The following GALNT18 variants were observed in gnomAD, a reference collection of about 807,000 sequenced individuals.
The protein encoded by GALNT18 is GalNAc-transferase 18.
GALNT18 carries 44 observed loss-of-function variants against 69.5 expected under a neutral mutation model. The ratio of observed to expected loss-of-function variants is 0.63; its 90% CI spans 0.50 to 0.81. The LOEUF is 0.81. Ranked by LOEUF, GALNT18 falls within the 40% of genes least tolerant of loss-of-function variation. The probability of loss-of-function intolerance (pLI) is 0.00; values close to 1 mark genes in which losing one functional copy is unlikely to be tolerated. For synonymous variants in GALNT18, 364 were observed against 318.2 expected, an observed-to-expected ratio of 1.14 and a Z score of -1.53; for missense variants, 715 against 810.0, an observed-to-expected ratio of 0.88 and a Z score of 1.42.
Position 11,573,191 on chromosome 11 carries a change from C to G in GALNT18, c.235+48168G>C, listed in dbSNP as rs1055927016. On this transcript the variant is annotated intron_variant, in intron 1 of 10. Transcript: ENST00000227756. This position sits in a 1 kb window ranked among gnomAD's most constrained non-coding sequence, Gnocchi z 4.6. ...CCCCTCCAGAGAGCATGTTCATGTT[C>G]ATTATGGTGGGCGGCCTTGACTCAT... is the stretch of plus-strand genomic sequence containing the variant. Among the ~76,000 whole-genome samples the G allele has an allele frequency of 6.6e-6, 1 of 152,136 alleles. No individual in the cohort carries two copies. The highest frequency in any genetic ancestry group is 2.4e-5 in the African/African-American group (1 of 41,422).
At chr11:11,378,910 C>T (rs993918229) in intron 4 of GALNT18, among the ~76,000 whole-genome samples, 171 bp downstream of exon 4, 1 of 152,218 alleles carries the variant, frequency 6.6e-6, no homozygotes, top group Non-Finnish European at 1.5e-5. Flanking sequence ...ACCTCGAACC[C>T]TAAAGGTCCA....
rs1856060463 is a variant in GALNT18, at chr11:11,462,278, T to TC, written c.236-13343_236-13342insG. Reference sequence around the variant, plus strand: ...GTGGCTGTGGCAAAGTCTTTTCTTTTTTTTTTTTTTTCCTTTGCGATGGAG... The same window carrying TC: ...GTGGCTGTGGCAAAGTCTTTTCTTTTCTTTTTTTTTTTCCTTTGCGATGGAG... On this transcript the variant is annotated intron_variant, in intron 1 of 10. Coordinates refer to ENST00000227756, the MANE Select transcript of GALNT18 (RefSeq NM_198516.3). Among the ~76,000 whole-genome samples the TC allele has an allele frequency of 3.0e-5, 4 of 133,858 alleles. No individual in the cohort carries two copies. The South Asian group carries it at 9.3e-4, about 31-fold the overall frequency. The allele number at this position is 133,858 out of a possible 152,430, so 87.8% of individuals were successfully genotyped here.
At chr11:11,284,918 T>G (rs1023408767) in intron 10 of GALNT18, among the ~76,000 whole-genome samples, 64 of 147,140 alleles carry the variant, frequency 4.3e-4, no homozygotes, top group African/African-American at 1.6e-3. Context: ...GTTTTTTTTT[T>G]TTTTTTTTTT....
chr11:11,490,235 A>ACTCT (rs1856738793), intron 1 of GALNT18, among the ~76,000 whole-genome samples: 2 of 5,206 alleles, frequency 3.8e-4, no homozygotes, highest in African/African-American at 5.8e-4. Context: ...TCTCTCTCTA[A>ACTCT]CACACACACA....
intron 1 of GALNT18, among the ~76,000 whole-genome samples, chr11:11,450,767 C>G (rs1264778439): frequency 2.0e-5 from 3 of 152,186 alleles, no homozygotes; most frequent in Non-Finnish European, 4.4e-5. Flanking sequence ...CTCTTATCAA[C>G]TCATCTCACC....
intron 1 of GALNT18, among the ~76,000 whole-genome samples, chr11:11,615,787 C>T (rs2133971177): frequency 6.6e-6 from 1 of 152,220 alleles, no homozygotes; most frequent in South Asian, 2.1e-4. Context: ...GTCTGGGAGA[C>T]CCCACTTAAC....
At chr11:11,462,568 C>G (rs1590024602) in intron 1 of GALNT18, among the ~76,000 whole-genome samples, 1 of 152,182 alleles carries the variant, frequency 6.6e-6, no homozygotes, top group Non-Finnish European at 1.5e-5. Flanking sequence ...GCTGGGATTT[C>G]AGGCATAAGC....
intron 3 of GALNT18, among the ~76,000 whole-genome samples, chr11:11,412,866 C>A (rs943952777): frequency 4.1e-4 from 62 of 152,252 alleles, no homozygotes; most frequent in African/African-American, 1.4e-3. Context: ...CTGCTCTGCC[C>A]CAGCATGTGG....
chr11:11,502,688 C>T (rs1437107135), intron 1 of GALNT18, among the ~76,000 whole-genome samples: 1 of 152,206 alleles, frequency 6.6e-6, no homozygotes, highest in Non-Finnish European at 1.5e-5. Context: ...GAACAGCATG[C>T]CTGTATGAAA....
chr11:11,549,231 A>T (rs1858134071), intron 1 of GALNT18, among the ~76,000 whole-genome samples: 2 of 152,234 alleles, frequency 1.3e-5, no homozygotes, highest in Admixed American at 1.3e-4. Flanking sequence ...AACAAGCTAA[A>T]AAGGGCCCAG....
At chr11:11,561,122 A>C (rs1858494259) in intron 1 of GALNT18, among the ~76,000 whole-genome samples, 4 of 152,244 alleles carry the variant, frequency 2.6e-5, no homozygotes, top group Non-Finnish European at 5.9e-5. Context: ...TTCTTGGTTC[A>C]TTAATCATCT....
chr11:11,289,717 A>T (rs1849263825), intron 10 of GALNT18, among the ~76,000 whole-genome samples: 1 of 152,164 alleles, frequency 6.6e-6, no homozygotes, highest in African/African-American at 2.4e-5. Context: ...GTGGGTGGGA[A>T]GGATTCTGTG....
In GALNT18 at chr11:11,543,838, C is replaced by T. The variant is rs2133959541; in HGVS notation, c.235+77521G>A. Among the ~76,000 whole-genome samples, 1 of 152,312 alleles carries T rather than the reference C, an allele frequency of 6.6e-6. No homozygotes were observed. Among genetic ancestry groups the T allele is most frequent in the East Asian group, 1.9e-4 (1 of 5,172 alleles). ...ATTGCTCCCATTTCTTCTTCTGGCG[C>T]TCTGGGCTCCAATGGCTTCTGGTAA... is the stretch of plus-strand genomic sequence containing the variant. On this transcript the variant is annotated intron_variant, in intron 1 of 10. Coordinates refer to ENST00000227756, the MANE Select transcript of GALNT18 (RefSeq NM_198516.3). This position sits in a 1 kb window ranked among gnomAD's most constrained non-coding sequence, Gnocchi z 5.1.
chr11:11,329,608 C>T (rs1849984792), intron 8 of GALNT18, among the ~76,000 whole-genome samples: 1 of 152,192 alleles, frequency 6.6e-6, no homozygotes, highest in Non-Finnish European at 1.5e-5. Flanking sequence ...CCCCATTTCT[C>T]AGGGTAGCAC....
chr11:11,428,630 A>G (rs1169833709), intron 3 of GALNT18, among the ~76,000 whole-genome samples: 1 of 151,894 alleles, frequency 6.6e-6, no homozygotes, highest in African/African-American at 2.4e-5. Flanking sequence ...CCTGCTCCAA[A>G]CTCTGGCCTC....
intron 6 of GALNT18, among the ~76,000 whole-genome samples, chr11:11,362,214 T>C (rs1850659230): frequency 6.6e-6 from 1 of 152,088 alleles, no homozygotes; most frequent in Admixed American, 6.6e-5. Flanking sequence ...AAAAATATAG[T>C]CATGTAAGTA....
In GALNT18 at chr11:11,621,349, G is replaced by A. The variant is rs777909350; in HGVS notation, c.235+10C>T. 1.2e-6 allele frequency: 2 copies of A among 1,610,026 alleles called. No individual in the cohort carries two copies. The highest frequency in any genetic ancestry group is 1.1e-5 in the South Asian group (1 of 90,964). On this transcript the variant is annotated intron_variant, in intron 1 of 10. Coordinates refer to ENST00000227756, the MANE Select transcript of GALNT18 (RefSeq NM_198516.3). The surrounding 1 kb of genome is among the most constrained non-coding windows in gnomAD (Gnocchi z 9.3). ...CTCATGGGCGACCCAAGTTTCCGGGGCGCCCGTACCTTGAATGTGCTGCTT... is the reference window on the plus strand; with the variant it reads ...CTCATGGGCGACCCAAGTTTCCGGGACGCCCGTACCTTGAATGTGCTGCTT...
chr11:11,299,600 A>G (rs1227730521), intron 9 of GALNT18, among the ~76,000 whole-genome samples: 1 of 152,204 alleles, frequency 6.6e-6, no homozygotes, highest in Non-Finnish European at 1.5e-5. Flanking sequence ...GAGTTACTTC[A>G]TTTAGAATGG....
rs1793896976 is a variant in GALNT18, at chr11:11,587,395, G to A, written c.235+33964C>T. On this transcript the variant is annotated intron_variant, in intron 1 of 10. Transcript: ENST00000227756. The surrounding 1 kb of genome is among the most constrained non-coding windows in gnomAD (Gnocchi z 4.4). ...TATGCTGACCCCATCAGCAAAGCAG[G>A]CTTCCCTTCAAGGAATCCGTTACAC... 6.6e-6 allele frequency among the ~76,000 whole-genome samples: 1 copy of A among 152,130 alleles called. No homozygotes were observed. Among genetic ancestry groups the A allele is most frequent in the Admixed American group, 6.5e-5 (1 of 15,274 alleles).
Sources: allele counts gnomAD v4.1 joint callset (sites outside exome capture counted in the v4.1 genomes callset), GRCh38; gene constraint gnomAD v4.1.1; non-coding constraint Gnocchi (gnomAD v3.1); transcripts MANE v1.5; gene names NCBI Gene and HGNC (gene_info 2026-07-23, HGNC 2026-07-21).